The following CSMD1 variants were observed in gnomAD, a reference collection of about 807,000 sequenced individuals.
CSMD1 encodes CUB and sushi domain-containing protein 1.
Under a neutral mutation model 417.5 loss-of-function variants are expected in CSMD1, and 213 were observed. The ratio of observed to expected loss-of-function variants is 0.51; its 90% CI spans 0.46 to 0.57. The LOEUF (loss-of-function observed/expected upper bound fraction) is 0.57. Ranked by LOEUF, CSMD1 falls within the 20% of genes least tolerant of loss-of-function variation. The pLI, the probability that CSMD1 is intolerant of heterozygous loss-of-function variation, is 0.00. For missense variants in CSMD1, 6,923 were observed against 4,529.7 expected (o/e 1.53, Z -15.17); for synonymous variants, 2,862 against 1,736.8 (o/e 1.65, Z -16.11).
intron 3 of CSMD1, among the ~76,000 whole-genome samples, chr8:4,306,766 G>A (rs549366419): frequency 2.6e-5 from 4 of 152,126 alleles, no homozygotes; most frequent in South Asian, 4.2e-4. Flanking sequence ...GTTCTGGTGC[G>A]AGTCCACAGA....
At chr8:4,115,047 T>G (rs948597373) in intron 3 of CSMD1, among the ~76,000 whole-genome samples, 2 of 152,204 alleles carry the variant, frequency 1.3e-5, no homozygotes, top group Non-Finnish European at 2.9e-5. Context: ...TGATTCAAAT[T>G]TTGAAAGAAT....
intron 27 of CSMD1, among the ~76,000 whole-genome samples, chr8:3,226,306 A>C (rs938798831): frequency 6.6e-6 from 1 of 152,076 alleles, no homozygotes; most frequent in African/African-American, 2.4e-5. Flanking sequence ...GTTGAAGCCG[A>C]ACGTGGTGGC....
chr8:4,056,469 A>T (rs1798696882), intron 3 of CSMD1, among the ~76,000 whole-genome samples: 1 of 151,880 alleles, frequency 6.6e-6, no homozygotes, highest in Non-Finnish European at 1.5e-5. Context: ...AAATACACAA[A>T]TAGTTTCCGG....
intron 11 of CSMD1, among the ~76,000 whole-genome samples, chr8:3,478,544 G>A (rs540893785): frequency 4.7e-4 from 72 of 152,262 alleles, no homozygotes; most frequent in African/African-American, 1.6e-3. Context: ...GCCTGGGACC[G>A]AAGACCAGAG....
rs759912227 is a variant in CSMD1, at chr8:3,497,621, G to C, written c.1345-3895C>G. On this transcript the variant is annotated intron_variant, in intron 10 of 69. Coordinates refer to ENST00000635120, the MANE Select transcript of CSMD1 (RefSeq NM_033225.6). ...ATCTGATAAAAGTATGGCTATTCCT[G>C]CTAGTTTTTGGTTTCTGTTTGCATG... is the stretch of plus-strand genomic sequence containing the variant. Among the ~76,000 whole-genome samples the C allele has an allele frequency of 1.4e-3, 218 of 152,206 alleles. 1 individual carries two copies. Among genetic ancestry groups the C allele is most frequent in the Non-Finnish European group, 1.8e-3 (121 of 68,010 alleles).
At chr8:3,335,659 G>C (rs1344793771) in intron 23 of CSMD1, among the ~76,000 whole-genome samples, 3 of 152,200 alleles carry the variant, frequency 2.0e-5, no homozygotes, top group Non-Finnish European at 2.9e-5. Flanking sequence ...CTGGGTGACA[G>C]AGTGAGACTC....
chr8:4,800,368 T>G (rs568435013), intron 1 of CSMD1, among the ~76,000 whole-genome samples: 2 of 150,334 alleles, frequency 1.3e-5, no homozygotes, highest in African/African-American at 2.5e-5. Flanking sequence ...GAGGTGGAGG[T>G]TGCAGTGAGC....
At chr8:4,557,765 G>C (rs1018335075) in intron 2 of CSMD1, among the ~76,000 whole-genome samples, 2 of 149,868 alleles carry the variant, frequency 1.3e-5, no homozygotes, top group Non-Finnish European at 3.0e-5. Flanking sequence ...ACAGCATTAA[G>C]ATGGCACGTA....
chr8:3,751,526 T>C (rs904379587), intron 6 of CSMD1, among the ~76,000 whole-genome samples: 1 of 149,512 alleles, frequency 6.7e-6, no homozygotes, highest in Non-Finnish European at 1.5e-5. Context: ...TATGCTTCTA[T>C]AATATATACA....
chr8:4,552,418 C>T (rs1755100233), intron 2 of CSMD1, among the ~76,000 whole-genome samples: 1 of 152,050 alleles, frequency 6.6e-6, no homozygotes, highest in Admixed American at 6.6e-5. Context: ...TGCATCCATT[C>T]CCATCTCCTA....
At chr8:4,473,298 G>A (rs1170507761) in intron 2 of CSMD1, among the ~76,000 whole-genome samples, 1 of 152,178 alleles carries the variant, frequency 6.6e-6, no homozygotes, top group Non-Finnish European at 1.5e-5. Flanking sequence ...GACAATCAAT[G>A]TGAGTTCTTA....
At chr8:4,438,307 G>C (rs780857016) in intron 2 of CSMD1, among the ~76,000 whole-genome samples, 17 of 152,186 alleles carry the variant, frequency 1.1e-4, no homozygotes, top group Non-Finnish European at 2.1e-4. Flanking sequence ...CATGGAGGTG[G>C]TGTCTGAAGC....
chr8:4,355,539 G>C (rs1801378133), intron 3 of CSMD1, among the ~76,000 whole-genome samples: 1 of 152,276 alleles, frequency 6.6e-6, no homozygotes, highest in Middle Eastern at 3.4e-3. Flanking sequence ...TTCTCCTTCA[G>C]TACATAAGTG....
chr8:4,931,200 G>T (rs921874633), intron 1 of CSMD1, among the ~76,000 whole-genome samples: 1 of 152,130 alleles, frequency 6.6e-6, no homozygotes, highest in African/African-American at 2.4e-5. Flanking sequence ...CTAAAAGATT[G>T]AAATATAACT....
At chr8:3,014,375 G>A (rs1808662797) in intron 52 of CSMD1, among the ~76,000 whole-genome samples, 1 of 152,078 alleles carries the variant, frequency 6.6e-6, no homozygotes, top group Admixed American at 6.6e-5. Context: ...ATATCATCAA[G>A]TCAATTTATG....
intron 3 of CSMD1, among the ~76,000 whole-genome samples, chr8:4,152,932 C>T (rs971194279): frequency 6.6e-6 from 1 of 152,064 alleles, no homozygotes; most frequent in South Asian, 2.1e-4. Flanking sequence ...TATACTCTAT[C>T]CTCTTCTCAA....
At chr8:4,395,765 A>G (rs77564686) in intron 3 of CSMD1, among the ~76,000 whole-genome samples, 148 of 152,248 alleles carry the variant, frequency 9.7e-4, no homozygotes, top group African/African-American at 3.5e-3. Flanking sequence ...TGTAAAAAAA[A>G]ATGCTAAGTG....
chr8:3,842,657 A>T (rs1201338278), intron 5 of CSMD1, among the ~76,000 whole-genome samples: 2 of 152,148 alleles, frequency 1.3e-5, no homozygotes, highest in Admixed American at 1.3e-4. Context: ...ACACTCATAA[A>T]TTATGTTGCA....
intron 5 of CSMD1, among the ~76,000 whole-genome samples, chr8:3,924,292 G>A (rs1809485774): frequency 6.6e-6 from 1 of 152,102 alleles, no homozygotes; most frequent in Non-Finnish European, 1.5e-5. Context: ...TCCTCTTGAT[G>A]CTTTCAATAT....
Sources: allele counts gnomAD v4.1 joint callset (sites outside exome capture counted in the v4.1 genomes callset), GRCh38; gene constraint gnomAD v4.1.1; transcripts MANE v1.5; gene names NCBI Gene and HGNC (gene_info 2026-07-23, HGNC 2026-07-21).